Variants in CCSER1 observed in about 807,000 individuals in gnomAD.
CCSER1 encodes the protein coiled-coil serine rich protein 1.
A neutral mutation model predicts 82.0 loss-of-function variants in CCSER1; 41 were observed. The ratio of observed to expected loss-of-function variants is 0.50; its 90% confidence interval spans 0.39 to 0.65. The LOEUF is 0.65. Ranked by LOEUF, CCSER1 falls within the 30% of genes least tolerant of loss-of-function variation. CCSER1 has a pLI of 0.00. For synonymous variants in CCSER1, 414 were observed against 383.9 expected, an observed-to-expected ratio of 1.08 and a Z score of -0.92; for missense variants, 1,119 against 1,064.2, an observed-to-expected ratio of 1.05 and a Z score of -0.72.
At chr4:91,146,679 A>G (rs566871737) in intron 10 of CCSER1, among the ~76,000 whole-genome samples, 1 of 151,170 alleles carries the variant, frequency 6.6e-6, no homozygotes, top group East Asian at 1.9e-4. Context: ...TTTATAGTCA[A>G]TTGGCTTTAT....
intron 8 of CCSER1, chr4:90,911,236 T>A (rs1238702837): frequency 4.4e-6 from 2 of 450,804 alleles, no homozygotes; most frequent in Non-Finnish European, 8.9e-6. Context: ...ATTAATAAAG[T>A]TTAGTGTCTC....
chr4:90,285,262 C>T (rs1182883408), intron 1 of CCSER1, among the ~76,000 whole-genome samples: 2 of 151,934 alleles, frequency 1.3e-5, no homozygotes, highest in African/African-American at 4.8e-5. Context: ...AATATTGATT[C>T]TTCTAATTCA....
At chr4:90,992,650 T>G (rs59871981) in intron 9 of CCSER1, among the ~76,000 whole-genome samples, 1 of 151,756 alleles carries the variant, frequency 6.6e-6, no homozygotes, top group Non-Finnish European at 1.5e-5. Context: ...ATTCATGTTG[T>G]TGGCAGAATT....
At chr4:90,952,235 T>C (rs1362613659) in intron 9 of CCSER1, among the ~76,000 whole-genome samples, 1 of 151,854 alleles carries the variant, frequency 6.6e-6, no homozygotes, top group Admixed American at 6.6e-5. Flanking sequence ...GGTAAAAAAA[T>C]AATATTTGGG....
chr4:91,454,811 G>A (rs986318672), intron 10 of CCSER1, among the ~76,000 whole-genome samples: 5 of 151,148 alleles, frequency 3.3e-5, no homozygotes, highest in South Asian at 2.1e-4. Context: ...TCCCAAAATC[G>A]ACTCCCCGAG....
In CCSER1 at chr4:91,599,780, A is replaced by T. The variant is rs902685230; in HGVS notation, c.*723A>T. On this transcript the variant is annotated 3_prime_UTR_variant, in exon 11 of 11. Transcript: ENST00000509176. ...ATTTTGCTTTTAGTTTTTGTTATTG[A>T]TGTTGAAGTACCGTGACATAACACA... The T allele has an allele frequency of 6.6e-6, 1 of 152,212 alleles. No homozygotes were observed. The highest frequency in any genetic ancestry group is 2.4e-5 in the African/African-American group (1 of 41,546). 9.4% of individuals were successfully genotyped at this position (152,212 alleles called of 1,614,324 possible). A position where few individuals can be genotyped will look rare whatever the true frequency, so the allele number is the denominator to read the frequency against.
chr4:90,849,300 G>A (rs1235692165), intron 8 of CCSER1, among the ~76,000 whole-genome samples: 1 of 152,188 alleles, frequency 6.6e-6, no homozygotes, highest in Non-Finnish European at 1.5e-5. Context: ...GAACTTGTTG[G>A]GAAGTGAAGT....
chr4:91,005,139 C>A (rs1738388154), intron 9 of CCSER1, among the ~76,000 whole-genome samples: 2 of 152,152 alleles, frequency 1.3e-5, no homozygotes, highest in South Asian at 4.1e-4. Context: ...CCACTGTTAT[C>A]TACCTTTCAA....
Position 91,598,876 on chromosome 4 carries a change from C to T in CCSER1, c.2522C>T (p.Thr841Met), listed in dbSNP as rs1578893414. The change falls in exon 11 of 11, where the codon ACG (threonine) becomes ATG (methionine). Residue 841 changes from threonine (T) to methionine (M), a missense_variant. Thr to Met is a moderately conservative substitution (Grantham distance 81). Coordinates refer to ENST00000509176, the MANE Select transcript of CCSER1 (RefSeq NM_001145065.2). ...KPTAKTEGLS[T>M]FLEKPKDQVA... ...ACAGCTAAGACAGAAGGGCTCTCCA[C>T]GTTCTTAGAGAAACCAAAGGACCAA... 3 of 1,551,632 alleles carry T rather than the reference C, an allele frequency of 1.9e-6. No individual in the cohort carries two copies. The highest frequency in any genetic ancestry group is 2.6e-6 in the Non-Finnish European group (3 of 1,146,922).
At chr4:90,660,387 G>T (rs1484844458) in intron 6 of CCSER1, among the ~76,000 whole-genome samples, 1 of 152,032 alleles carries the variant, frequency 6.6e-6, no homozygotes, top group Non-Finnish European at 1.5e-5. Context: ...CAGCAACATG[G>T]ATGGAACTAG....
chr4:90,428,050 G>C (rs900997152), intron 4 of CCSER1, among the ~76,000 whole-genome samples: 1 of 151,788 alleles, frequency 6.6e-6, no homozygotes, highest in African/African-American at 2.4e-5. Context: ...ATAGATTGAT[G>C]TGCTAATCTA....
rs541021516 is a variant in CCSER1, at chr4:91,013,016, T to A, written c.2173-72934T>A. 1.0e-4 allele frequency among the ~76,000 whole-genome samples: 14 copies of A among 134,602 alleles called. 1 individual carries two copies. The South Asian group carries it at 2.2e-3, about 21-fold the overall frequency. The allele number at this position is 134,602 out of a possible 152,430, so 88.3% of individuals were successfully genotyped here. On this transcript the variant is annotated intron_variant, in intron 9 of 10. Transcript: ENST00000509176. ...ATTTTATTTTATACATGGCTTTCCT[T>A]TCTCTCCAGGGTTTCTGATACTCCT...
intron 1 of CCSER1, among the ~76,000 whole-genome samples, chr4:90,147,768 G>T (rs1269578654): frequency 1.3e-5 from 2 of 151,816 alleles, no homozygotes; most frequent in African/African-American, 2.4e-5. Flanking sequence ...GTACTAATGT[G>T]CCCTTAAAAA....
At chr4:90,916,327 T>G (rs1025724905) in intron 8 of CCSER1, among the ~76,000 whole-genome samples, 7 of 152,030 alleles carry the variant, frequency 4.6e-5, no homozygotes, top group African/African-American at 1.7e-4. Context: ...TATAGACCAA[T>G]GGAACAGAAC....
chr4:90,453,197 G>A (rs962012669), intron 4 of CCSER1, among the ~76,000 whole-genome samples: 1 of 152,172 alleles, frequency 6.6e-6, no homozygotes, highest in Non-Finnish European at 1.5e-5. Flanking sequence ...ACTGGGAGTT[G>A]AGGTGTAGGA....
At chr4:91,344,696 G>A (rs1747942512) in intron 10 of CCSER1, among the ~76,000 whole-genome samples, 1 of 151,746 alleles carries the variant, frequency 6.6e-6, no homozygotes, top group African/African-American at 2.4e-5. Context: ...ATAGTGAATG[G>A]CATTAAAAGT....
At chr4:90,570,578 A>T (rs908717358) in intron 5 of CCSER1, among the ~76,000 whole-genome samples, 1 of 152,128 alleles carries the variant, frequency 6.6e-6, no homozygotes, top group Non-Finnish European at 1.5e-5. Flanking sequence ...CTCCTTCAAC[A>T]TGGACTATCC....
intron 6 of CCSER1, among the ~76,000 whole-genome samples, chr4:90,704,089 C>T (rs1181572775): frequency 6.6e-6 from 1 of 152,130 alleles, no homozygotes; most frequent in African/African-American, 2.4e-5. Flanking sequence ...TACCATTTGG[C>T]ATGTTTTTGC....
chr4:90,779,742 G>A (rs1753493377), intron 7 of CCSER1, among the ~76,000 whole-genome samples: 1 of 152,178 alleles, frequency 6.6e-6, no homozygotes, highest in African/African-American at 2.4e-5. Context: ...GCTTAGACAT[G>A]TGACCCAATC....
Sources: allele counts gnomAD v4.1 joint callset (sites outside exome capture counted in the v4.1 genomes callset), GRCh38; gene constraint gnomAD v4.1.1; transcripts MANE v1.5; gene names NCBI Gene and HGNC (gene_info 2026-07-23, HGNC 2026-07-21).